Variants in CERS6 observed in about 807,000 individuals in gnomAD.
The protein encoded by CERS6 is LAG1 homolog, ceramide synthase 6.
Under a neutral mutation model 56.8 loss-of-function variants are expected in CERS6, and 26 were observed. The observed-to-expected ratio is 0.46, with a 90% confidence interval of 0.34 to 0.63. The LOEUF (loss-of-function observed/expected upper bound fraction) is 0.63. CERS6 is among the 30% of genes least tolerant of loss of function. The pLI, the probability that CERS6 is intolerant of heterozygous loss-of-function variation, is 0.01. For missense variants in CERS6, 415 were observed against 467.5 expected, an observed-to-expected ratio of 0.89 and a Z score of 1.04; for synonymous variants, 164 against 173.3, an observed-to-expected ratio of 0.95 and a Z score of 0.42.
intron 3 of CERS6, among the ~76,000 whole-genome samples, chr2:168,601,101 C>T (rs1683922634): frequency 6.6e-6 from 1 of 152,180 alleles, no homozygotes; most frequent in South Asian, 2.1e-4. Context: ...ACACTTCAGC[C>T]TACGCCCTGT....
intron 3 of CERS6, among the ~76,000 whole-genome samples, chr2:168,565,090 A>C (rs995721711): frequency 1.3e-5 from 2 of 152,246 alleles, no homozygotes; most frequent in African/African-American, 2.4e-5. Context: ...GGAAAGCTCC[A>C]TGACAATTTT....
chr2:168,631,017 C>A lies in CERS6; in HGVS notation c.440C>A (p.Thr147Asn). Reference sequence around the variant, plus strand: ...TTTTCATTTTACCTTTATGTATTTACCTACGGAGTCAGATTCCTGAAAAAG... The same window carrying A: ...TTTTCATTTTACCTTTATGTATTTAACTACGGAGTCAGATTCCTGAAAAAG... The part of the protein sequence containing the change: ...WRFSFYLYVF[T>N]YGVRFLKKTP... Residue 147 changes from threonine to asparagine, a missense_variant, in exon 4 of 10, where the codon ACC becomes AAC. Physicochemically the swap from Thr to Asn is moderately conservative, Grantham distance 65. Transcript: ENST00000305747. 1 of 1,531,398 alleles carries A rather than the reference C, an allele frequency of 6.5e-7. No homozygotes were observed. Among genetic ancestry groups the A allele is most frequent in the Admixed American group, 1.8e-5 (1 of 54,810 alleles). 94.9% of individuals were successfully genotyped at this position (1,531,398 alleles called of 1,614,324 possible).
chr2:168,742,348 C>T (rs1448958649), intron 8 of CERS6, among the ~76,000 whole-genome samples: 4 of 152,136 alleles, frequency 2.6e-5, no homozygotes, highest in Admixed American at 1.3e-4. Context: ...AAAAGTTATG[C>T]GTATGGGTAT....
intron 1 of CERS6, among the ~76,000 whole-genome samples, chr2:168,489,278 A>T (rs980223890): frequency 7.2e-5 from 11 of 152,132 alleles, no homozygotes; most frequent in Non-Finnish European, 1.5e-4. Context: ...AATTCAAACC[A>T]TTCTTCCTCT....
chr2:168,738,266 G>C (rs1291962347), intron 8 of CERS6, among the ~76,000 whole-genome samples: 1 of 152,200 alleles, frequency 6.6e-6, no homozygotes, highest in Non-Finnish European at 1.5e-5. Context: ...TGTTACATGT[G>C]ACCAACAGGA....
At chr2:168,695,893 G>T (rs551596193) in intron 6 of CERS6, among the ~76,000 whole-genome samples, 1 of 152,218 alleles carries the variant, frequency 6.6e-6, no homozygotes, top group South Asian at 2.1e-4. Context: ...AGTACTGGTT[G>T]AACATCCCTA....
intron 8 of CERS6, among the ~76,000 whole-genome samples, chr2:168,743,995 C>CTTTTT (rs58256507): frequency 1.6e-5 from 1 of 63,404 alleles, no homozygotes; most frequent in Non-Finnish European, 2.7e-5. Context: ...TCTTTTTTTT[C>CTTTTT]TTTTTTTTTT....
intron 1 of CERS6, among the ~76,000 whole-genome samples, chr2:168,505,005 G>A (rs1257738121): frequency 6.6e-6 from 1 of 152,136 alleles, no homozygotes; most frequent in African/African-American, 2.4e-5. Context: ...TGACAGACAA[G>A]GGAAAGACAT....
At chr2:168,754,869 T>C (rs1382304515) in intron 8 of CERS6, among the ~76,000 whole-genome samples, 2 of 152,294 alleles carry the variant, frequency 1.3e-5, no homozygotes, top group Non-Finnish European at 2.9e-5. Context: ...GTGATCCTCC[T>C]GCGCTCAAGT....
At chr2:168,582,047 T>TA (rs1191141244) in intron 3 of CERS6, among the ~76,000 whole-genome samples, 1 of 152,222 alleles carries the variant, frequency 6.6e-6, no homozygotes, top group Non-Finnish European at 1.5e-5. Context: ...GTGGGTCTCT[T>TA]ACCACAACTT....
intron 7 of CERS6, 43 bp from the exon 8 acceptor site, chr2:168,717,829 T>G: frequency 1.4e-6 from 2 of 1,430,432 alleles, no homozygotes; most frequent in Admixed American, 1.8e-5. Flanking sequence ...CTTTTTATTA[T>G]CAGTTTAACT....
chr2:168,485,783 A>G (rs1029321680), intron 1 of CERS6, among the ~76,000 whole-genome samples: 25 of 152,188 alleles, frequency 1.6e-4, no homozygotes, highest in Non-Finnish European at 3.4e-4. Flanking sequence ...TTTGGCAATT[A>G]TGAATGAAGC....
At chr2:168,478,466 G>A (rs778215592) in intron 1 of CERS6, among the ~76,000 whole-genome samples, 30 of 152,098 alleles carry the variant, frequency 2.0e-4, no homozygotes, top group Non-Finnish European at 3.7e-4. Flanking sequence ...GAGGTATCTG[G>A]TGCCTACAGT....
chr2:168,738,060 A>G (rs1352374155), intron 8 of CERS6, among the ~76,000 whole-genome samples: 1 of 152,228 alleles, frequency 6.6e-6, no homozygotes, highest in Admixed American at 6.5e-5. Flanking sequence ...TGAATAGGTC[A>G]ATTGTTATTC....
chr2:168,765,560 A>G (rs762777759), intron 8 of CERS6, 32 bp from the exon 9 acceptor site: 6 of 1,605,922 alleles, frequency 3.7e-6, no homozygotes, highest in Admixed American at 1.7e-5. Context: ...GGAAAATGCC[A>G]CATTCACTAA....
chr2:168,652,108 A>C (rs1685357903), intron 4 of CERS6, among the ~76,000 whole-genome samples: 1 of 151,650 alleles, frequency 6.6e-6, no homozygotes, highest in African/African-American at 2.4e-5. Context: ...AAAGCTTGTC[A>C]GTATTGTAAA....
chr2:168,473,406 C>A (rs187192944), intron 1 of CERS6, among the ~76,000 whole-genome samples: 172 of 152,152 alleles, frequency 1.1e-3, no homozygotes, highest in African/African-American at 4.0e-3. Flanking sequence ...CAACAACATT[C>A]TTCCAAATTA....
At chr2:168,640,291 C>A (rs1684957963) in intron 4 of CERS6, among the ~76,000 whole-genome samples, 1 of 152,184 alleles carries the variant, frequency 6.6e-6, no homozygotes, top group South Asian at 2.1e-4. Context: ...AGCTGCCATA[C>A]AAAGCAGTCC....
intron 4 of CERS6, among the ~76,000 whole-genome samples, chr2:168,678,821 C>T (rs1298976005): frequency 6.6e-6 from 1 of 152,158 alleles, no homozygotes. Flanking sequence ...ATCCAGCAAT[C>T]CCACTACTGG....
Sources: allele counts gnomAD v4.1 joint callset (sites outside exome capture counted in the v4.1 genomes callset), GRCh38; gene constraint gnomAD v4.1.1; transcripts MANE v1.5; gene names NCBI Gene and HGNC (gene_info 2026-07-23, HGNC 2026-07-21).